CFAP57: variants seen among roughly 807,000 people sequenced by gnomAD.
The protein encoded by CFAP57 is cilia and flagella associated protein 57.
CFAP57 carries 116 observed loss-of-function variants against 146.8 expected under a neutral mutation model. That is an observed-to-expected ratio of 0.79 (90% confidence interval 0.68 to 0.92). CFAP57 has a LOEUF of 0.92. Ranked by LOEUF, CFAP57 falls within the 40% of genes least tolerant of loss-of-function variation. The pLI is 0.00. For synonymous variants in CFAP57, 518 were observed against 552.8 expected (o/e 0.94, Z 0.88); for missense variants, 1,377 against 1,527.2 (o/e 0.90, Z 1.64).
chr1:43,191,417 C>T (rs575721914), intron 6 of CFAP57, among the ~76,000 whole-genome samples: 2 of 152,120 alleles, frequency 1.3e-5, no homozygotes, highest in South Asian at 2.1e-4. Flanking sequence ...GAAACCCCGT[C>T]TCTACTAAAA....
chr1:43,200,111 T>C (rs558412282), intron 9 of CFAP57, among the ~76,000 whole-genome samples: 3 of 152,100 alleles, frequency 2.0e-5, no homozygotes, highest in South Asian at 2.1e-4. Context: ...AGGGTAGAAA[T>C]GGTGAGGAGG....
chr1:43,232,620 A>G lies in CFAP57; in HGVS notation c.3122A>G (p.Gln1041Arg). ...ATDQEMRRER[Q>R]KERDLEALVK... ...GATCAGGAGATGCGCAGAGAGAGAC[A>G]GAAGGTGTGAGGGTTTCAGAGTCTG... is the stretch of plus-strand genomic sequence containing the variant. Residue 1041 changes from glutamine (Q) to arginine (R), a missense_variant, in exon 19 of 23, where the codon CAG becomes CGG. Gln to Arg is a conservative substitution (Grantham distance 43). Transcript: ENST00000372492. The G allele has an allele frequency of 6.5e-7, 1 of 1,537,572 alleles. No individual in the cohort carries two copies. Among genetic ancestry groups the G allele is most frequent in the Non-Finnish European group, 8.8e-7 (1 of 1,137,026 alleles).
At chr1:43,172,580 A>AG (rs1229015579) in intron 1 of CFAP57, 127 bp downstream of exon 1, 97,207 of 367,560 alleles carry the variant, frequency 0.26, 11,217 homozygotes, top group Middle Eastern at 0.34. Flanking sequence ...GGGAAAGGGG[A>AG]GGGACAAGGG....
chr1:43,207,510 A>G (rs1644407872), intron 10 of CFAP57, among the ~76,000 whole-genome samples: 1 of 152,212 alleles, frequency 6.6e-6, no homozygotes, highest in South Asian at 2.1e-4. Flanking sequence ...GGTGTATAGT[A>G]GGCTGTCGCA....
intron 10 of CFAP57, 81 bp from the exon 11 acceptor site, chr1:43,209,662 C>A: frequency 7.3e-7 from 1 of 1,379,002 alleles, no homozygotes; most frequent in Non-Finnish European, 1.0e-6. Context: ...TCTGTTAGAG[C>A]AGAGGGCGAG....
chr1:43,218,930 G>A (rs542957067), intron 12 of CFAP57, among the ~76,000 whole-genome samples: 5 of 152,168 alleles, frequency 3.3e-5, no homozygotes, highest in African/African-American at 1.2e-4. Context: ...AAAGATTCTG[G>A]TCTATGTGGA....
At chr1:43,251,387 C>G (rs1348496020) in intron 22 of CFAP57, among the ~76,000 whole-genome samples, 1 of 152,180 alleles carries the variant, frequency 6.6e-6, no homozygotes, top group African/African-American at 2.4e-5. Context: ...AGGGAGGGGC[C>G]AAGGGCCACC....
At position 43,198,695 on chromosome 1, in the gene CFAP57, C is replaced by T. The variant is rs200217333; in HGVS notation, c.1428+49C>T. On this transcript the variant is annotated intron_variant, in intron 8 of 22. Coordinates refer to ENST00000372492, the MANE Select transcript of CFAP57 (RefSeq NM_001378189.1). The stretch of plus-strand genomic sequence containing the variant: ...AAAAGTCCAGTTTCTTAGAAAGCCA[C>T]GGCTGAAATATCAGGAACTAACATG... The T allele has an allele frequency of 6.6e-5, 105 of 1,599,962 alleles. No homozygotes were observed. In the Middle Eastern group the frequency reaches 8.5e-4, roughly 13 times the overall value.
chr1:43,221,793 T>C (rs2781236), intron 14 of CFAP57, among the ~76,000 whole-genome samples: 132,476 of 152,152 alleles, frequency 0.87, 58,498 homozygotes, highest in East Asian at 1. Context: ...CTCACTTTGC[T>C]ATAAAGCAGG....
intron 3 of CFAP57, 125 bp downstream of exon 3, chr1:43,181,975 C>T (rs754021048): frequency 1.3e-5 from 14 of 1,110,326 alleles, no homozygotes; most frequent in East Asian, 2.6e-5. Context: ...TTACAACAAC[C>T]GTATAAGGTA....
intron 6 of CFAP57, among the ~76,000 whole-genome samples, chr1:43,188,409 G>A (rs550246259): frequency 6.6e-6 from 1 of 152,208 alleles, no homozygotes; most frequent in South Asian, 2.1e-4. Flanking sequence ...AGCAGTATAT[G>A]AGCATTCTGA....
At chr1:43,186,916 C>G in intron 6 of CFAP57, 57 bp downstream of exon 6, 1 of 1,607,988 alleles carries the variant, frequency 6.2e-7, no homozygotes, top group South Asian at 1.1e-5. Context: ...TGCTGGGGGA[C>G]TAGTCACCAT....
At chr1:43,213,360 T>G (rs1329993311) in intron 11 of CFAP57, among the ~76,000 whole-genome samples, 1 of 152,264 alleles carries the variant, frequency 6.6e-6, no homozygotes, top group Non-Finnish European at 1.5e-5. Flanking sequence ...CCATCCATGT[T>G]GCTGCAAAAA....
chr1:43,206,609 A>G, intron 9 of CFAP57, 111 bp from the exon 10 acceptor site: 1 of 1,058,388 alleles, frequency 9.4e-7, no homozygotes, highest in Non-Finnish European at 1.5e-6. Context: ...CTACAGCAGG[A>G]AAGGACGTTC....
At chr1:43,226,087 C>T (rs181295192) in intron 17 of CFAP57, among the ~76,000 whole-genome samples, 14 of 152,300 alleles carry the variant, frequency 9.2e-5, no homozygotes, top group African/African-American at 3.4e-4. Context: ...GCAGGAGAAT[C>T]GCTTGAACTT....
At chr1:43,180,886 C>A (rs1480978132) in intron 2 of CFAP57, among the ~76,000 whole-genome samples, 1 of 152,130 alleles carries the variant, frequency 6.6e-6, no homozygotes, top group Non-Finnish European at 1.5e-5. Context: ...CCCCATCTCA[C>A]ATGCAATGCT....
At chr1:43,181,103 G>A (rs763525608) in intron 2 of CFAP57, among the ~76,000 whole-genome samples, 3 of 151,836 alleles carry the variant, frequency 2.0e-5, no homozygotes, top group Non-Finnish European at 2.9e-5. Flanking sequence ...GGACAGTCTC[G>A]CTCTGTCTCC....
In CFAP57 at chr1:43,234,540, C is replaced by T. The variant is rs199613598; in HGVS notation, c.3307C>T (p.Arg1103Trp). ...CACAGACCTGCAGCAGGAGTACACC[C>T]GGCAGCGGGAGCACCTGGAGAGGAA... ...LNTDLQQEYT[R>W]QREHLERNLA... Residue 1103 changes from arginine to tryptophan, a missense_variant, in exon 21 of 23, where the codon CGG becomes TGG. Physicochemically the swap from Arg to Trp is moderately radical, Grantham distance 101. Transcript: ENST00000372492. 4.2e-4 allele frequency: 648 copies of T among 1,550,340 alleles called. 3 individuals are homozygous for T. The East Asian group carries it at 0.012, about 29-fold the overall frequency.
At chr1:43,243,461 C>G in intron 22 of CFAP57, 102 bp downstream of exon 22, 2 of 1,265,970 alleles carry the variant, frequency 1.6e-6, no homozygotes, top group South Asian at 3.8e-5. Flanking sequence ...CAGGTCCCAT[C>G]TACACATGGC....
Sources: allele counts gnomAD v4.1 joint callset (sites outside exome capture counted in the v4.1 genomes callset), GRCh38; gene constraint gnomAD v4.1.1; transcripts MANE v1.5; gene names NCBI Gene and HGNC (gene_info 2026-07-23, HGNC 2026-07-21).